LANCL2: variants seen among roughly 807,000 people sequenced by gnomAD.
LANCL2 encodes the protein lanC-like protein 2.
LANCL2 carries 33 observed loss-of-function variants against 56.9 expected under a neutral mutation model. The observed-to-expected ratio is 0.58, with a 90% confidence interval of 0.44 to 0.78. LANCL2 has a LOEUF of 0.78. LANCL2 is among the 30% of genes least tolerant of loss of function. LANCL2 has a pLI of 0.00. For synonymous variants in LANCL2, 233 were observed against 228.2 expected, an observed-to-expected ratio of 1.02 and a Z score of -0.19; for missense variants, 562 against 580.2, an observed-to-expected ratio of 0.97 and a Z score of 0.32.
chr7:55,406,057 A>C (rs1159024479), intron 5 of LANCL2, among the ~76,000 whole-genome samples: 1 of 152,254 alleles, frequency 6.6e-6, no homozygotes, highest in Non-Finnish European at 1.5e-5. Flanking sequence ...GCTAGAAGCC[A>C]GAAATATTCT....
At chr7:55,390,266 A>G (rs2128992663) in intron 1 of LANCL2, among the ~76,000 whole-genome samples, 1 of 152,300 alleles carries the variant, frequency 6.6e-6, no homozygotes, top group Middle Eastern at 3.4e-3. Context: ...TTCCATAGTC[A>G]TAAGGGGAAA....
intron 5 of LANCL2, among the ~76,000 whole-genome samples, chr7:55,406,647 G>A (rs13340521): frequency 0.044 from 6,643 of 152,244 alleles, 483 homozygotes; most frequent in African/African-American, 0.15. Flanking sequence ...GTTTAGTCAT[G>A]TAAAAGTGGT....
chr7:55,409,928 G>A (rs927045848), intron 5 of LANCL2, among the ~76,000 whole-genome samples: 1 of 152,208 alleles, frequency 6.6e-6, no homozygotes, highest in Non-Finnish European at 1.5e-5. Context: ...TATTTGCATA[G>A]TATAGTCTGT....
At chr7:55,425,577 GTGGTTTCTC>G in intron 7 of LANCL2, 147 bp downstream of exon 7, 1 of 729,224 alleles carries the variant, frequency 1.4e-6, no homozygotes, top group South Asian at 1.9e-5. Flanking sequence ...AGCCTTATCT[GTGGTTTCTC>G]TGGGCCACAG....
At chr7:55,392,334 T>TA (rs1790201474) in intron 2 of LANCL2, among the ~76,000 whole-genome samples, 1 of 61,836 alleles carries the variant, frequency 1.6e-5, no homozygotes, top group Non-Finnish European at 3.6e-5. Flanking sequence ...TTTTTTTTTC[T>TA]TTTTTTTTTT....
chr7:55,373,358 A>G (rs951452662), intron 1 of LANCL2, among the ~76,000 whole-genome samples: 9 of 151,998 alleles, frequency 5.9e-5, no homozygotes, highest in African/African-American at 1.9e-4. Flanking sequence ...TGGCACAATC[A>G]TAGCTCACTG....
chr7:55,390,075 A>G (rs769380734), intron 1 of LANCL2, among the ~76,000 whole-genome samples: 1 of 152,212 alleles, frequency 6.6e-6, no homozygotes, highest in Non-Finnish European at 1.5e-5. Context: ...TTTGCCCTCA[A>G]AGCCCTAATT....
intron 6 of LANCL2, among the ~76,000 whole-genome samples, chr7:55,413,624 C>A (rs944968181): frequency 5.9e-5 from 9 of 152,214 alleles, no homozygotes; most frequent in Non-Finnish European, 1.3e-4. Flanking sequence ...CACTTGGGAG[C>A]AAGCCAGCAC....
At chr7:55,377,115 A>G (rs1396186725) in intron 1 of LANCL2, among the ~76,000 whole-genome samples, 1 of 152,228 alleles carries the variant, frequency 6.6e-6, no homozygotes, top group African/African-American at 2.4e-5. Context: ...CATCTAAAAT[A>G]TTTGTAAAAT....
chr7:55,421,542 C>T (rs562998023), intron 6 of LANCL2, among the ~76,000 whole-genome samples: 10 of 152,154 alleles, frequency 6.6e-5, no homozygotes, highest in Non-Finnish European at 8.8e-5. Flanking sequence ...AGGGTTTCAC[C>T]GTGTTGGCCA....
At chr7:55,391,034 TGAGATGGAGTCTC>T (rs1790182271) in intron 1 of LANCL2, among the ~76,000 whole-genome samples, 1 of 133,962 alleles carries the variant, frequency 7.5e-6, no homozygotes, top group Non-Finnish European at 1.6e-5. Context: ...TTTTTTTTTT[TGAGATGGAGTCTC>T]GCTCTGTCGC....
Position 55,428,419 on chromosome 7 carries a change from T to A in LANCL2, c.1230T>A (p.Ile410=). ...CLDYGAHGCR[I]PDRPYSLFEG... ...ATTACGGAGCACACGGGTGCCGCAT[T>A]CCTGACAGACCCTATTCGCTCTTTG... Residue 410 remains isoleucine, a synonymous_variant, in exon 8 of 9, where the codon ATT becomes ATA. Coordinates refer to ENST00000254770, the MANE Select transcript of LANCL2 (RefSeq NM_018697.4). 6.2e-7 allele frequency: 1 copy of A among 1,614,154 alleles called. No individual in the cohort carries two copies. Among genetic ancestry groups the A allele is most frequent in the South Asian group, 1.1e-5 (1 of 91,080 alleles).
rs1250206673 is a variant in LANCL2 at position 55,398,478 on chromosome 7, G to T, written c.378G>T (p.Leu126=). 7 of 1,614,062 alleles carry T rather than the reference G, an allele frequency of 4.3e-6. No individual in the cohort carries two copies. Among genetic ancestry groups the T allele is most frequent in the Non-Finnish European group, 5.1e-6 (6 of 1,180,042 alleles). ...GGGTCACATGTGACCAAACCTACCTGCTCCGATCCCTGGATTACGTAAAAA... is the reference window on the plus strand; with the variant it reads ...GGGTCACATGTGACCAAACCTACCTTCTCCGATCCCTGGATTACGTAAAAA... ...LYRVTCDQTY[L]LRSLDYVKRT... is the part of the protein sequence containing the mutation. Residue 126 remains leucine (L), a synonymous_variant, in exon 3 of 9, where the codon CTG becomes CTT. Transcript: ENST00000254770.
chr7:55,368,467 G>A (rs1233096406), intron 1 of LANCL2, among the ~76,000 whole-genome samples: 1 of 152,238 alleles, frequency 6.6e-6, no homozygotes, highest in Non-Finnish European at 1.5e-5. Context: ...GGGAGAGATG[G>A]ATAGTGATTT....
intron 5 of LANCL2, among the ~76,000 whole-genome samples, chr7:55,409,135 C>CTGGA (rs1276727367): frequency 6.7e-6 from 1 of 149,554 alleles, no homozygotes; most frequent in Non-Finnish European, 1.5e-5. Context: ...GTTGCCCAGG[C>CTGGA]TGGAGTGCAC....
At chr7:55,369,169 C>T (rs552218731) in intron 1 of LANCL2, among the ~76,000 whole-genome samples, 8 of 152,224 alleles carry the variant, frequency 5.3e-5, no homozygotes, top group African/African-American at 1.7e-4. Flanking sequence ...CTGTAGGCTC[C>T]AGAACTATGA....
At chr7:55,408,524 C>G (rs1166571450) in intron 5 of LANCL2, among the ~76,000 whole-genome samples, 1 of 152,058 alleles carries the variant, frequency 6.6e-6, no homozygotes, top group Non-Finnish European at 1.5e-5. Flanking sequence ...AAAAAATTAC[C>G]TGGGCCTCAT....
rs148538448 is a variant in LANCL2, at chr7:55,428,464, T to C, written c.1258+17T>C. The C allele has an allele frequency of 2.0e-3, 3,191 of 1,608,286 alleles. 47 individuals carry two copies. Among genetic ancestry groups the C allele is most frequent in the African/African-American group, 0.018 (1,313 of 74,882 alleles). ...TCTTTGAAGGTAAGAGTGAGAAAAA[T>C]GCTATAGATTAAATGTTTGGGTGAA... On this transcript the variant is annotated intron_variant, in intron 8 of 8. Transcript: ENST00000254770.
At chr7:55,391,141 C>T (rs1249246889) in intron 1 of LANCL2, among the ~76,000 whole-genome samples, 1 of 151,436 alleles carries the variant, frequency 6.6e-6, no homozygotes, top group African/African-American at 2.4e-5. Context: ...CTCAGCCTCC[C>T]GCGTAGCTGG....
Sources: allele counts gnomAD v4.1 joint callset (sites outside exome capture counted in the v4.1 genomes callset), GRCh38; gene constraint gnomAD v4.1.1; transcripts MANE v1.5; gene names NCBI Gene and HGNC (gene_info 2026-07-23, HGNC 2026-07-21).